The following MYO5B variants were observed in gnomAD, a reference collection of about 807,000 sequenced individuals.
MYO5B encodes the protein unconventional myosin-Vb.
Under a neutral mutation model 229.3 loss-of-function variants are expected in MYO5B, and 143 were observed. That is an observed-to-expected ratio of 0.62 (90% CI 0.54 to 0.72). The LOEUF (loss-of-function observed/expected upper bound fraction) is 0.72, where lower values mean the gene tolerates loss of function less well. Among genes scored for constraint, MYO5B ranks in the 30% least tolerant of loss-of-function variants. The pLI is 0.00. For synonymous variants in MYO5B, 918 were observed against 885.2 expected, an observed-to-expected ratio of 1.04 and a Z score of -0.66; for missense variants, 2,321 against 2,331.0, an observed-to-expected ratio of 1.00 and a Z score of 0.09.
intron 17 of MYO5B, among the ~76,000 whole-genome samples, chr18:49,915,048 T>C (rs1454241456): frequency 6.6e-6 from 1 of 152,106 alleles, no homozygotes; most frequent in Non-Finnish European, 1.5e-5. Flanking sequence ...ACGCTTTTCC[T>C]GGTCTGGTGG....
intron 29 of MYO5B, among the ~76,000 whole-genome samples, chr18:49,862,687 A>G (rs1462747021): frequency 1.3e-5 from 2 of 152,172 alleles, no homozygotes; most frequent in African/African-American, 2.4e-5. Context: ...TCGAGGGGAC[A>G]GTGGTTGCTA....
chr18:50,130,290 G>A (rs956748189), intron 1 of MYO5B, among the ~76,000 whole-genome samples: 3 of 152,070 alleles, frequency 2.0e-5, no homozygotes, highest in Admixed American at 6.6e-5. Flanking sequence ...GCTCATTATC[G>A]ATTAGCCAGC....
intron 1 of MYO5B, among the ~76,000 whole-genome samples, chr18:50,135,961 G>C (rs2032328185): frequency 6.6e-6 from 1 of 152,248 alleles, no homozygotes; most frequent in African/African-American, 2.4e-5. Context: ...GTGAGACAGA[G>C]AGTGTTCGTT....
At chr18:49,935,720 CA>C (rs1401465310) in intron 16 of MYO5B, among the ~76,000 whole-genome samples, 1 of 152,168 alleles carries the variant, frequency 6.6e-6, no homozygotes, top group East Asian at 1.9e-4. Context: ...AGAACCGGAA[CA>C]AAGTTTCAAG....
At chr18:49,840,995 T>C (rs998621105) in intron 35 of MYO5B, among the ~76,000 whole-genome samples, 1 of 152,212 alleles carries the variant, frequency 6.6e-6, no homozygotes, top group Non-Finnish European at 1.5e-5. Context: ...GGTGACCCAC[T>C]AGGCAACTGA....
chr18:49,980,511 G>A lies in MYO5B; in HGVS notation c.989C>T (p.Ala330Val). Residue 330 changes from alanine to valine, a missense_variant, in exon 9 of 40, where the codon GCT becomes GTT. By Grantham distance (64) the Ala-to-Val change is moderately conservative. This residue lies in a region of MYO5B where 2,113 missense variants were observed against 2,044.7 expected (regional missense o/e 1.03). Transcript: ENST00000285039. ...SHQMSIFKII[A>V]SILHLGSVAI... is the part of the protein sequence containing the mutation. The stretch of plus-strand genomic sequence containing the variant: ...CACACTTCCAAGGTGCAAGATAGAA[G>A]CAATTATCTTAAAAATGCTCATCTG... 6.2e-7 allele frequency: 1 copy of A among 1,613,876 alleles called. No homozygotes were observed. Among genetic ancestry groups the A allele is most frequent in the African/African-American group, 1.3e-5 (1 of 75,000 alleles).
At chr18:50,183,088 T>G (rs1239182566) in intron 1 of MYO5B, among the ~76,000 whole-genome samples, 1 of 152,206 alleles carries the variant, frequency 6.6e-6, no homozygotes, top group East Asian at 1.9e-4. Flanking sequence ...CATTGCATCT[T>G]TTAATTTGGC....
chr18:49,855,450 T>C (rs2024251306), intron 30 of MYO5B, among the ~76,000 whole-genome samples: 1 of 152,216 alleles, frequency 6.6e-6, no homozygotes, highest in Admixed American at 6.5e-5. Context: ...CCATGTCTGA[T>C]CTGCTGATGG....
At chr18:50,062,317 G>T (rs2852102) in intron 1 of MYO5B, among the ~76,000 whole-genome samples, 1 of 151,698 alleles carries the variant, frequency 6.6e-6, no homozygotes, top group Non-Finnish European at 1.5e-5. Context: ...CCTGGGAATG[G>T]ACAAGGGATC....
intron 1 of MYO5B, among the ~76,000 whole-genome samples, chr18:50,133,715 C>A (rs2032290306): frequency 6.6e-6 from 1 of 152,124 alleles, no homozygotes; most frequent in Non-Finnish European, 1.5e-5. Context: ...TGATCTTTAA[C>A]AGAATCACCT....
chr18:49,962,523 T>C, intron 11 of MYO5B, 117 bp from the exon 12 acceptor site: 2 of 1,404,546 alleles, frequency 1.4e-6, no homozygotes, highest in Non-Finnish European at 2.0e-6. Flanking sequence ...CCAGATAAGG[T>C]TTGGATGCTA....
At chr18:49,837,201 T>C (rs1463889470) in intron 37 of MYO5B, among the ~76,000 whole-genome samples, 4 of 152,260 alleles carry the variant, frequency 2.6e-5, no homozygotes, top group African/African-American at 7.2e-5. Context: ...TTTATACTTC[T>C]ATGTGAGCCT....
chr18:50,089,264 G>A (rs2031395742), intron 1 of MYO5B, among the ~76,000 whole-genome samples: 1 of 152,140 alleles, frequency 6.6e-6, no homozygotes, highest in African/African-American at 2.4e-5. Context: ...TGTAGTCCCA[G>A]CTACTCAAGA....
At chr18:50,159,962 A>G (rs528455787) in intron 1 of MYO5B, among the ~76,000 whole-genome samples, 55 of 152,324 alleles carry the variant, frequency 3.6e-4, no homozygotes, top group African/African-American at 1.3e-3. Flanking sequence ...GACGCTCCAC[A>G]TGAACAACGT....
At chr18:50,051,156 C>A (rs76046479) in intron 2 of MYO5B, among the ~76,000 whole-genome samples, 2,407 of 152,178 alleles carry the variant, frequency 0.016, 61 homozygotes, top group African/African-American at 0.055. Flanking sequence ...AAATGTTTAA[C>A]AATGTTTTTA....
rs912700502 is a variant in MYO5B, at chr18:49,936,824, T to C, written c.1905+421A>G. ...TGGCTGCCAGGGACTTGACAAGCAT[T>C]CTCTTCTCTTCTCTCCAGAGACACA... On this transcript the variant is annotated intron_variant, in intron 15 of 39. Transcript: ENST00000285039. 3.3e-5 allele frequency among the ~76,000 whole-genome samples: 5 copies of C among 152,070 alleles called. No individual in the cohort carries two copies. In the East Asian group the frequency reaches 9.6e-4, roughly 29 times the overall value.
At chr18:50,048,692 G>T (rs1266213937) in intron 2 of MYO5B, among the ~76,000 whole-genome samples, 2 of 152,158 alleles carry the variant, frequency 1.3e-5, no homozygotes. Flanking sequence ...GCTCTGAGAA[G>T]TCAGCAGGAA....
At position 49,974,337 on chromosome 18, in the gene MYO5B, G is replaced by A; in HGVS notation, c.1322+13C>T. The A allele has an allele frequency of 6.2e-7, 1 of 1,614,196 alleles. No individual in the cohort carries two copies. The highest frequency in any genetic ancestry group is 8.5e-7 in the Non-Finnish European group (1 of 1,180,020). On this transcript the variant is annotated intron_variant, in intron 10 of 39. Transcript: ENST00000285039. ...CCAGGTAGCAGATAGAGCGAGACAG[G>A]CGGCAGGCCTACCCATAGATGTCCA... is the stretch of plus-strand genomic sequence containing the variant.
intron 1 of MYO5B, among the ~76,000 whole-genome samples, chr18:50,110,278 G>A (rs1200303415): frequency 6.6e-6 from 1 of 151,774 alleles, no homozygotes; most frequent in Non-Finnish European, 1.5e-5. Context: ...TCTTCTCCTG[G>A]CAACAACAGC....
Sources: gnomAD v4.1 joint callset for allele counts (sites outside exome capture counted in the v4.1 genomes callset) on GRCh38, gnomAD v4.1.1 for gene constraint, gnomAD v4.1.1 regional missense constraint, MANE v1.5 for transcripts, NCBI Gene and HGNC (gene_info 2026-07-23, HGNC 2026-07-21) for gene names.